Variants in PALLD observed in about 807,000 individuals in gnomAD.
PALLD encodes palladin.
Under a neutral mutation model 123.5 loss-of-function variants are expected in PALLD, and 61 were observed. The observed-to-expected ratio is 0.49, with a 90% CI of 0.40 to 0.61. The LOEUF (loss-of-function observed/expected upper bound fraction) is 0.61. Ranked by LOEUF, PALLD falls within the 20% of genes least tolerant of loss-of-function variation. The pLI, the probability that PALLD is intolerant of heterozygous loss-of-function variation, is 0.00. For missense variants in PALLD, 1,273 were observed against 1,377.0 expected, an observed-to-expected ratio of 0.92 and a Z score of 1.20; for synonymous variants, 465 against 496.4, an observed-to-expected ratio of 0.94 and a Z score of 0.84.
chr4:168,679,921 A>G (rs1352981348), intron 3 of PALLD, among the ~76,000 whole-genome samples: 1 of 152,090 alleles, frequency 6.6e-6, no homozygotes, highest in African/African-American at 2.4e-5. Flanking sequence ...TGGATGGTAG[A>G]CACAGAAATA....
In PALLD at chr4:168,501,276, T is replaced by C. The variant is rs76731571; in HGVS notation, c.-83+4082T>C. On this transcript the variant is annotated intron_variant, in intron 1 of 21. Transcript: ENST00000505667. ...AAAATAAAAAAGAATTAGCAGGACT[T>C]GGTGACATGCACCTGTAGTCCCAGC... 6.1e-3 allele frequency among the ~76,000 whole-genome samples: 928 copies of C among 152,162 alleles called. 16 individuals carry two copies. The highest frequency in any genetic ancestry group is 5.4e-3 in the Non-Finnish European group (369 of 67,998).
At chr4:168,606,380 G>C (rs1054693964) in intron 2 of PALLD, among the ~76,000 whole-genome samples, 1 of 152,080 alleles carries the variant, frequency 6.6e-6, no homozygotes, top group African/African-American at 2.4e-5. Flanking sequence ...CTTCACTTAA[G>C]ATTAAGCTTC....
rs755336512 is a variant in PALLD, at chr4:168,915,948, G to A, written c.2771G>A (p.Arg924Gln). 55 of 1,612,960 alleles carry A rather than the reference G, an allele frequency of 3.4e-5. No homozygotes were observed. The East Asian group carries it at 1.1e-3, about 33-fold the overall frequency. Residue 924 changes from arginine to glutamine, a missense_variant, in exon 17 of 22, where the codon CGA (arginine) becomes CAA (glutamine). Physicochemically the swap from Arg to Gln is conservative, Grantham distance 43. Around this residue, in one of 2 missense-constraint regions of PALLD, gnomAD observed 329 missense variants for 422.5 expected, o/e 0.78. Transcript: ENST00000505667. ...SGDENEPIQERFFRPHFLQAP... is the reference protein window; with the variant it reads ...SGDENEPIQEQFFRPHFLQAP... ...GACGAAAATGAACCAATTCAGGAGC[G>A]ATTCTTCAGACCTCACTTCTTGCAG...
intron 2 of PALLD, among the ~76,000 whole-genome samples, chr4:168,526,793 G>C (rs1764094970): frequency 6.6e-6 from 1 of 152,000 alleles, no homozygotes; most frequent in African/African-American, 2.4e-5. Context: ...TAGTTGATCA[G>C]AGCAGGAAAC....
chr4:168,892,367 T>A (rs1754270327), intron 11 of PALLD, among the ~76,000 whole-genome samples: 1 of 145,722 alleles, frequency 6.9e-6, no homozygotes, highest in Admixed American at 6.7e-5. Flanking sequence ...AAGCTCTCTA[T>A]AATTATGTTT....
chr4:168,635,913 A>G lies in PALLD; in HGVS notation c.909-32277A>G, dbSNP rs577425443. Among the ~76,000 whole-genome samples the G allele has an allele frequency of 5.2e-5, 8 of 152,386 alleles. No individual in the cohort carries two copies. The South Asian group carries it at 1.0e-3, about 20-fold the overall frequency. On this transcript the variant is annotated intron_variant, in intron 2 of 21. Transcript: ENST00000505667. ...AAAAATGTCAAGAAGGCAACATTGT[A>G]TGATGGAAATCAAACTACATTGGAA... is the stretch of plus-strand genomic sequence containing the variant.
chr4:168,926,609 A>T lies in PALLD; in HGVS notation c.*429A>T. The T allele has an allele frequency of 2.2e-6, 1 of 449,020 alleles. No individual in the cohort carries two copies. Among genetic ancestry groups the T allele is most frequent in the Non-Finnish European group, 4.0e-6 (1 of 252,662 alleles). 27.8% of individuals were successfully genotyped at this position (449,020 alleles called of 1,614,324 possible). ...ACAGAAAATACACATTTACTGTCCA[A>T]TTTAAAACTTTGGAATTGCTGTGAT... On this transcript the variant is annotated 3_prime_UTR_variant, in exon 22 of 22. Transcript: ENST00000505667.
At chr4:168,636,189 A>C (rs993496456) in intron 2 of PALLD, among the ~76,000 whole-genome samples, 1 of 152,186 alleles carries the variant, frequency 6.6e-6, no homozygotes, top group Non-Finnish European at 1.5e-5. Context: ...CCTCAAACTC[A>C]GAACTTCTGC....
chr4:168,719,327 G>A (rs1251748385), intron 10 of PALLD, among the ~76,000 whole-genome samples: 19 of 117,018 alleles, frequency 1.6e-4, no homozygotes, highest in Admixed American at 1.1e-4. Context: ...ACACAATCTC[G>A]GCTCACTGCA....
chr4:168,641,452 C>T, intron 2 of PALLD, among the ~76,000 whole-genome samples: 1 of 152,116 alleles, frequency 6.6e-6, no homozygotes, highest in East Asian at 1.9e-4. Flanking sequence ...GCCACAGAAA[C>T]CTCCTGATCC....
At chr4:168,925,465 A>G (rs568057214) in intron 21 of PALLD, 187 bp downstream of exon 21, 9 of 615,946 alleles carry the variant, frequency 1.5e-5, no homozygotes, top group East Asian at 8.5e-5. Context: ...ATTTCTTCCT[A>G]TATTCTATCG....
At chr4:168,587,423 G>A (rs745712847) in intron 2 of PALLD, among the ~76,000 whole-genome samples, 1 of 152,164 alleles carries the variant, frequency 6.6e-6, no homozygotes, top group Non-Finnish European at 1.5e-5. Flanking sequence ...ATGTCATTCA[G>A]TAGCAGGACT....
At chr4:168,719,212 C>G (rs1581135707) in intron 10 of PALLD, among the ~76,000 whole-genome samples, 1 of 141,034 alleles carries the variant, frequency 7.1e-6, no homozygotes, top group African/African-American at 2.6e-5. Context: ...AGCCACCAGT[C>G]TAAGTTTCAA....
intron 2 of PALLD, among the ~76,000 whole-genome samples, chr4:168,540,899 T>C (rs945844740): frequency 1.3e-5 from 2 of 152,190 alleles, no homozygotes; most frequent in African/African-American, 4.8e-5. Context: ...GGAGTTTGTA[T>C]TTGGCATTCC....
intron 2 of PALLD, among the ~76,000 whole-genome samples, chr4:168,527,943 T>C (rs1764227936): frequency 6.6e-6 from 1 of 152,234 alleles, no homozygotes; most frequent in South Asian, 2.1e-4. Context: ...TGCTTCCCTG[T>C]GTTCAGGAAA....
chr4:168,760,884 A>T (rs1005741854), intron 10 of PALLD, among the ~76,000 whole-genome samples: 4 of 152,246 alleles, frequency 2.6e-5, no homozygotes, highest in Admixed American at 6.5e-5. Flanking sequence ...TTTTTTTGTT[A>T]TCCATCGAGT....
At chr4:168,661,810 T>A (rs1779162720) in intron 2 of PALLD, among the ~76,000 whole-genome samples, 1 of 152,200 alleles carries the variant, frequency 6.6e-6, no homozygotes, top group Non-Finnish European at 1.5e-5. Context: ...GACTACGTGG[T>A]TTTTATTGTT....
intron 10 of PALLD, among the ~76,000 whole-genome samples, chr4:168,739,614 C>T (rs1788128126): frequency 6.6e-6 from 1 of 152,198 alleles, no homozygotes; most frequent in Non-Finnish European, 1.5e-5. Context: ...CTGATGAATA[C>T]TCTAAATACC....
intron 10 of PALLD, among the ~76,000 whole-genome samples, chr4:168,843,412 A>G (rs183588197): frequency 2.6e-5 from 4 of 152,302 alleles, no homozygotes; most frequent in Admixed American, 1.3e-4. Flanking sequence ...TTTGACATTT[A>G]ATGATTTCAG....
Sources: allele counts gnomAD v4.1 joint callset (sites outside exome capture counted in the v4.1 genomes callset), GRCh38; gene constraint gnomAD v4.1.1; regional missense constraint gnomAD v4.1.1; transcripts MANE v1.5; gene names NCBI Gene and HGNC (gene_info 2026-07-23, HGNC 2026-07-21).